Variants in LRFN5 observed in about 807,000 individuals in gnomAD.
LRFN5 encodes the protein leucine rich repeat and fibronectin type III domain containing 5.
A neutral mutation model predicts 45.6 loss-of-function variants in LRFN5; 24 were observed. The ratio of observed to expected loss-of-function variants is 0.53; its 90% confidence interval spans 0.38 to 0.74. LRFN5 has a LOEUF of 0.74. Among genes scored for constraint, LRFN5 ranks in the 30% least tolerant of loss-of-function variants. The pLI is 0.00. For missense variants in LRFN5, 776 were observed against 861.5 expected, an observed-to-expected ratio of 0.90 and a Z score of 1.24; for synonymous variants, 340 against 313.8, an observed-to-expected ratio of 1.08 and a Z score of -0.88.
In LRFN5 at chr14:41,626,271, T is replaced by A. The variant is rs1888329060; in HGVS notation, c.-197+17709T>A. ...TTAAAGGCCAGTATATGCTACTTACTGTGCTGTTAAATATGTATGTGCCAA... is the reference window on the plus strand; with the variant it reads ...TTAAAGGCCAGTATATGCTACTTACAGTGCTGTTAAATATGTATGTGCCAA... On this transcript the variant is annotated intron_variant, in intron 1 of 5. Coordinates refer to ENST00000298119, the MANE Select transcript of LRFN5 (RefSeq NM_152447.5). Among the ~76,000 whole-genome samples, 3 of 152,142 alleles carry A rather than the reference T, an allele frequency of 2.0e-5. No individual in the cohort carries two copies. In the South Asian group the frequency reaches 6.2e-4, roughly 32 times the overall value.
At chr14:41,858,190 ATCT>A (rs1293406602) in intron 2 of LRFN5, among the ~76,000 whole-genome samples, 3 of 152,112 alleles carry the variant, frequency 2.0e-5, no homozygotes, top group African/African-American at 7.2e-5. Context: ...CAGAAATATT[ATCT>A]TCACCTGTTA....
At chr14:41,722,072 A>G (rs1883739443) in intron 1 of LRFN5, among the ~76,000 whole-genome samples, 1 of 151,652 alleles carries the variant, frequency 6.6e-6, no homozygotes, top group Non-Finnish European at 1.5e-5. Flanking sequence ...TTTTTAAATT[A>G]TTTTTTCTTA....
At chr14:41,629,208 A>G (rs1888451979) in intron 1 of LRFN5, among the ~76,000 whole-genome samples, 1 of 152,158 alleles carries the variant, frequency 6.6e-6, no homozygotes, top group South Asian at 2.1e-4. Context: ...TGGGTTGAGA[A>G]TGTCTTTAAA....
rs1442325749 is a variant in LRFN5, at chr14:41,755,084, T to A, written c.-196-11770T>A. Among the ~76,000 whole-genome samples the A allele has an allele frequency of 2.6e-5, 4 of 152,236 alleles. No homozygotes were observed. In the East Asian group the frequency reaches 7.7e-4, roughly 29 times the overall value. ...ATGTAGTTGAGCAGTTTTGAGTGAG[T>A]TTCTTAATCCTGAGTTCTAGTTTGA... On this transcript the variant is annotated intron_variant, in intron 1 of 5. Transcript: ENST00000298119.
At chr14:41,900,291 C>A (rs8020905) in intron 5 of LRFN5, among the ~76,000 whole-genome samples, 1 of 151,698 alleles carries the variant, frequency 6.6e-6, no homozygotes, top group Non-Finnish European at 1.5e-5. Flanking sequence ...TTTTCAATTA[C>A]CAATTTAAAG....
chr14:41,876,543 G>A (rs748579785), intron 2 of LRFN5, among the ~76,000 whole-genome samples: 41 of 149,896 alleles, frequency 2.7e-4, no homozygotes, highest in Non-Finnish European at 5.2e-4. Context: ...TGATCCACCC[G>A]CCTTGGCCTC....
chr14:41,894,683 T>C (rs778056905), intron 4 of LRFN5: 42 of 985,150 alleles, frequency 4.3e-5, no homozygotes, highest in Non-Finnish European at 4.9e-5. Context: ...TGATATTACC[T>C]ATCATGATGT....
intron 1 of LRFN5, among the ~76,000 whole-genome samples, chr14:41,756,741 C>G (rs1566655270): frequency 6.6e-6 from 1 of 152,096 alleles, no homozygotes; most frequent in Non-Finnish European, 1.5e-5. Flanking sequence ...TCGTCTGAAG[C>G]CTTCTTCTTT....
At chr14:41,803,347 A>C (rs1240731936) in intron 2 of LRFN5, among the ~76,000 whole-genome samples, 2 of 151,908 alleles carry the variant, frequency 1.3e-5, no homozygotes, top group African/African-American at 2.4e-5. Context: ...ATTTATGTGC[A>C]TATAGCTTTT....
intron 2 of LRFN5, among the ~76,000 whole-genome samples, chr14:41,784,741 G>T (rs1377590206): frequency 6.6e-6 from 1 of 151,972 alleles, no homozygotes; most frequent in Non-Finnish European, 1.5e-5. Flanking sequence ...TGATTCTCCT[G>T]CCTCAGCCTC....
intron 2 of LRFN5, among the ~76,000 whole-genome samples, chr14:41,799,318 G>A (rs578229004): frequency 2.0e-4 from 30 of 151,964 alleles, no homozygotes; most frequent in Middle Eastern, 3.4e-3. Context: ...TCCACTTTTT[G>A]CCTGGGAATT....
At chr14:41,794,019 C>A (rs914949287) in intron 2 of LRFN5, among the ~76,000 whole-genome samples, 3 of 152,058 alleles carry the variant, frequency 2.0e-5, no homozygotes, top group East Asian at 1.9e-4. Context: ...TATTCTTTCA[C>A]CAACTTCATA....
At chr14:41,899,396 T>G (rs965057061) in intron 5 of LRFN5, among the ~76,000 whole-genome samples, 2 of 152,090 alleles carry the variant, frequency 1.3e-5, no homozygotes, top group Non-Finnish European at 2.9e-5. Context: ...TGAACAGAAG[T>G]GTTTCACTGT....
intron 2 of LRFN5, among the ~76,000 whole-genome samples, chr14:41,781,101 A>G (rs956287137): frequency 6.6e-6 from 1 of 152,132 alleles, no homozygotes; most frequent in African/African-American, 2.4e-5. Context: ...AACAGGGAAA[A>G]TATTTTACCT....
chr14:41,901,441 T>A (rs1891098024), intron 5 of LRFN5, among the ~76,000 whole-genome samples: 1 of 146,710 alleles, frequency 6.8e-6, no homozygotes, highest in South Asian at 2.1e-4. Flanking sequence ...ATTGTGTGTG[T>A]GTGTGTGTGT....
intron 3 of LRFN5, 21 bp downstream of exon 3, chr14:41,888,031 T>G (rs1890643096): frequency 6.5e-7 from 1 of 1,545,786 alleles, no homozygotes; most frequent in Non-Finnish European, 8.8e-7. Context: ...TTGAGCAAAT[T>G]TGTATACTTA....
chr14:41,767,113 A>C (rs1253856405), intron 2 of LRFN5, 84 bp downstream of exon 2: 1 of 152,554 alleles, frequency 6.6e-6, no homozygotes, highest in Non-Finnish European at 1.5e-5. Context: ...GCTAACTTAC[A>C]TACAAATTAA....
intron 1 of LRFN5, among the ~76,000 whole-genome samples, chr14:41,714,789 C>T (rs994934035): frequency 1.3e-5 from 2 of 152,012 alleles, no homozygotes; most frequent in East Asian, 1.9e-4. Context: ...CCTATAGTCC[C>T]AGCTACTCAG....
At chr14:41,655,323 A>T (rs1880327498) in intron 1 of LRFN5, among the ~76,000 whole-genome samples, 1 of 152,038 alleles carries the variant, frequency 6.6e-6, no homozygotes. Context: ...ATCCTCACTA[A>T]TAATATTTGA....
Sources: gnomAD v4.1 joint callset for allele counts (sites outside exome capture counted in the v4.1 genomes callset) on GRCh38, gnomAD v4.1.1 for gene constraint, MANE v1.5 for transcripts, NCBI Gene and HGNC (gene_info 2026-07-23, HGNC 2026-07-21) for gene names.